Variants in FAIM2 observed in about 807,000 individuals in gnomAD.
The protein encoded by FAIM2 is Fas apoptotic inhibitory molecule 2.
Under a neutral mutation model 47.4 loss-of-function variants are expected in FAIM2, and 27 were observed. The ratio of observed to expected loss-of-function variants is 0.57; its 90% CI spans 0.42 to 0.78. The LOEUF is 0.78. FAIM2 is among the 30% of genes least tolerant of loss of function. The probability of loss-of-function intolerance (pLI) is 0.00; values close to 1 mark genes in which losing one functional copy is unlikely to be tolerated. For synonymous variants in FAIM2, 156 were observed against 159.3 expected, an observed-to-expected ratio of 0.98 and a Z score of 0.16; for missense variants, 311 against 389.4, an observed-to-expected ratio of 0.80 and a Z score of 1.69.
intron 11 of FAIM2, among the ~76,000 whole-genome samples, 163 bp from the exon 12 acceptor site, chr12:49,870,816 C>G (rs1211210091): frequency 6.6e-6 from 1 of 152,212 alleles, no homozygotes; most frequent in East Asian, 1.9e-4. Context: ...GTCCCTAATT[C>G]TATTCAGCAG....
chr12:49,884,198 TG>T (rs1210949556), intron 11 of FAIM2, among the ~76,000 whole-genome samples: 1 of 148,902 alleles, frequency 6.7e-6, no homozygotes, highest in Non-Finnish European at 1.5e-5. Flanking sequence ...CACTCCAGCC[TG>T]GGCGACACAG....
chr12:49,887,079 G>A (rs906396596), intron 11 of FAIM2, among the ~76,000 whole-genome samples: 4 of 151,746 alleles, frequency 2.6e-5, no homozygotes, highest in African/African-American at 4.8e-5. Context: ...CCACTCTCTC[G>A]CCCCCGCAAG....
intron 1 of FAIM2, chr12:49,902,026 A>G (rs889650920): frequency 7.9e-5 from 12 of 152,336 alleles, no homozygotes; most frequent in Admixed American, 7.2e-4. Flanking sequence ...CCCCTAAACC[A>G]GAACAGACTC....
intron 5 of FAIM2, among the ~76,000 whole-genome samples, chr12:49,896,660 C>A (rs1439747442): frequency 6.6e-6 from 1 of 152,238 alleles, no homozygotes; most frequent in African/African-American, 2.4e-5. Context: ...ATAAGCATTA[C>A]TAACAACATT....
At position 49,867,584 on chromosome 12, in the gene FAIM2, G is replaced by A. The variant is rs926760057; in HGVS notation, c.*2920C>T. The A allele has an allele frequency of 1.3e-5, 2 of 152,234 alleles. No individual in the cohort carries two copies. Among genetic ancestry groups the A allele is most frequent in the African/African-American group, 4.8e-5 (2 of 41,424 alleles). 9.4% of individuals were successfully genotyped at this position (152,234 alleles called of 1,614,324 possible). ...CAGCTTCCAGAAGAGGACTTCAGTG[G>A]GAGACCCCTCAACTCACATTCCGGA... On this transcript the variant is annotated 3_prime_UTR_variant, in exon 12 of 12. Transcript: ENST00000320634.
intron 5 of FAIM2, among the ~76,000 whole-genome samples, chr12:49,894,238 T>C (rs1003638197): frequency 4.0e-5 from 6 of 151,852 alleles, no homozygotes; most frequent in African/African-American, 1.5e-4. Context: ...GGCACAGGGG[T>C]GGGACTCCCC....
intron 11 of FAIM2, among the ~76,000 whole-genome samples, chr12:49,877,874 A>G (rs1946748686): frequency 1.4e-5 from 2 of 147,822 alleles, no homozygotes; most frequent in South Asian, 4.3e-4. Flanking sequence ...GTGAGTGTAT[A>G]CATATATGTG....
chr12:49,883,996 C>T (rs992540042), intron 11 of FAIM2, among the ~76,000 whole-genome samples: 95 of 152,030 alleles, frequency 6.2e-4, no homozygotes, highest in African/African-American at 2.2e-3. Flanking sequence ...CTGAGGCGGG[C>T]GGATCATCTG....
Position 49,870,413 on chromosome 12 carries a change from G to A in FAIM2, c.*91C>T. 1 of 1,275,442 alleles carries A rather than the reference G, an allele frequency of 7.8e-7. No homozygotes were observed. Among genetic ancestry groups the A allele is most frequent in the Non-Finnish European group, 1.1e-6 (1 of 897,630 alleles). The allele number at this position is 1,275,442 out of a possible 1,614,324, so 79.0% of individuals were successfully genotyped here. On this transcript the variant is annotated 3_prime_UTR_variant, in exon 12 of 12. Transcript: ENST00000320634. ...TGGCCACAGGCTGGGTTGGCAGCTA[G>A]TTTTATATCTGGTCTCGCAGGAGCG...
rs997291144 is a variant in FAIM2 at position 49,882,331 on chromosome 12, C to T, written c.801+5055G>A. ...GAGTCCGCAGGCCTGAGGGTCAGGA[C>T]GAGGTCAGCATGTTTCTGAGTTCAA... On this transcript the variant is annotated intron_variant, in intron 11 of 11. Transcript: ENST00000320634. Among the ~76,000 whole-genome samples the T allele has an allele frequency of 3.3e-5, 5 of 152,172 alleles. No individual in the cohort carries two copies. The South Asian group carries it at 1.0e-3, about 32-fold the overall frequency.
Position 49,888,541 on chromosome 12 carries a change from G to T in FAIM2, c.747+566C>A, listed in dbSNP as rs574726908. Among the ~76,000 whole-genome samples, 570 of 152,274 alleles carry T rather than the reference G, an allele frequency of 3.7e-3. 1 individual carries two copies. Among genetic ancestry groups the T allele is most frequent in the Non-Finnish European group, 6.0e-3 (407 of 68,008 alleles). On this transcript the variant is annotated intron_variant, in intron 10 of 11. Transcript: ENST00000320634. ...ATCTGCCCCTTCTCCACATGCAGGG[G>T]CCTGGGTGCCTGCAGAGTCTCAGTT... is the stretch of plus-strand genomic sequence containing the variant.
chr12:49,880,260 G>A (rs1297660728), intron 11 of FAIM2, among the ~76,000 whole-genome samples: 1 of 151,706 alleles, frequency 6.6e-6, no homozygotes, highest in South Asian at 2.1e-4. Flanking sequence ...ATGTGTATAT[G>A]TGCGTATGTG....
chr12:49,871,201 C>T (rs1461944791), intron 11 of FAIM2, among the ~76,000 whole-genome samples: 1 of 152,216 alleles, frequency 6.6e-6, no homozygotes, highest in Non-Finnish European at 1.5e-5. Context: ...ATTCTTCCTA[C>T]AGGAAGCGAG....
At chr12:49,881,566 C>T (rs1946826229) in intron 11 of FAIM2, among the ~76,000 whole-genome samples, 1 of 152,118 alleles carries the variant, frequency 6.6e-6, no homozygotes, top group Admixed American at 6.5e-5. Flanking sequence ...GCATGTGCCC[C>T]CACCTCATTC....
At chr12:49,895,047 G>C (rs866928585) in intron 5 of FAIM2, among the ~76,000 whole-genome samples, 1 of 136,210 alleles carries the variant, frequency 7.3e-6, no homozygotes, top group Non-Finnish European at 1.7e-5. Flanking sequence ...GGAGAGAGCT[G>C]AGGGGTGTGG....
At chr12:49,879,015 T>C (rs1174920609) in intron 11 of FAIM2, among the ~76,000 whole-genome samples, 1 of 135,544 alleles carries the variant, frequency 7.4e-6, no homozygotes, top group Non-Finnish European at 1.6e-5. Flanking sequence ...TGCATGTGTG[T>C]ATGTGTATGT....
rs1946997934 is a variant in FAIM2, at chr12:49,903,832, G to A, written c.-40C>T. ...GGGAAGGGGTCCCTGAGGCCCGGGT[G>A]GCCGCTTGGGTAACCGCAGCCTGCC... On this transcript the variant is annotated 5_prime_UTR_variant, in exon 1 of 12. Coordinates refer to ENST00000320634, the MANE Select transcript of FAIM2 (RefSeq NM_012306.4). 1 of 1,521,162 alleles carries A rather than the reference G, an allele frequency of 6.6e-7. No homozygotes were observed. The highest frequency in any genetic ancestry group is 2.5e-5 in the East Asian group (1 of 39,928). The allele number at this position is 1,521,162 out of a possible 1,614,324, so 94.2% of individuals were successfully genotyped here. A position where few individuals can be genotyped will look rare whatever the true frequency, so the allele number is the denominator to read the frequency against.
At chr12:49,885,853 C>T (rs1308476914) in intron 11 of FAIM2, among the ~76,000 whole-genome samples, 1 of 152,162 alleles carries the variant, frequency 6.6e-6, no homozygotes, top group Non-Finnish European at 1.5e-5. Context: ...GCTGACCAGG[C>T]ATCTGGGCAG....
chr12:49,896,912 A>C (rs753228507), intron 5 of FAIM2, 119 bp downstream of exon 5: 78 of 820,862 alleles, frequency 9.5e-5, no homozygotes, highest in Non-Finnish European at 1.3e-4. Context: ...CTGTGAGGAC[A>C]GTCCCTGTGG....
Sources: gnomAD v4.1 joint callset for allele counts (sites outside exome capture counted in the v4.1 genomes callset) on GRCh38, gnomAD v4.1.1 for gene constraint, MANE v1.5 for transcripts, NCBI Gene and HGNC (gene_info 2026-07-23, HGNC 2026-07-21) for gene names.